Variants in GRID2 observed in about 807,000 individuals in gnomAD.
GRID2 encodes glutamate ionotropic receptor delta type subunit 2, also known as glutamate receptor ionotropic, delta-2.
Under a neutral mutation model 114.8 loss-of-function variants are expected in GRID2, and 33 were observed. The observed-to-expected ratio is 0.29, with a 90% CI of 0.22 to 0.38. GRID2 has a LOEUF of 0.38. Ranked by LOEUF, GRID2 falls within the 10% of genes least tolerant of loss-of-function variation. The pLI, the probability that GRID2 is intolerant of heterozygous loss-of-function variation, is 1.00. For synonymous variants in GRID2, 505 were observed against 449.9 expected, an observed-to-expected ratio of 1.12 and a Z score of -1.55; for missense variants, 1,184 against 1,257.7, an observed-to-expected ratio of 0.94 and a Z score of 0.89.
At chr4:92,505,776 T>C (rs1366326046) in intron 1 of GRID2, among the ~76,000 whole-genome samples, 3 of 152,050 alleles carry the variant, frequency 2.0e-5, no homozygotes, top group Non-Finnish European at 4.4e-5. Context: ...ATATATCTTT[T>C]AGTGCAATGT....
chr4:93,562,562 A>AT (rs1735029973), intron 13 of GRID2, among the ~76,000 whole-genome samples: 1 of 152,024 alleles, frequency 6.6e-6, no homozygotes, highest in African/African-American at 2.4e-5. Flanking sequence ...CAGTTTATCA[A>AT]TTTTTTGGAT....
intron 3 of GRID2, among the ~76,000 whole-genome samples, 197 bp downstream of exon 3, chr4:93,085,476 A>C (rs920907093): frequency 6.6e-5 from 10 of 152,298 alleles, no homozygotes; most frequent in Admixed American, 2.0e-4. Context: ...TATAAAGTCA[A>C]CTTTAAATAT....
chr4:92,835,830 C>T (rs1204885612), intron 2 of GRID2, among the ~76,000 whole-genome samples: 2 of 152,112 alleles, frequency 1.3e-5, no homozygotes, highest in Non-Finnish European at 2.9e-5. Context: ...TTCGTATTGT[C>T]TTTCACTTTG....
intron 2 of GRID2, among the ~76,000 whole-genome samples, chr4:92,671,072 A>G (rs920170574): frequency 6.6e-6 from 1 of 152,136 alleles, no homozygotes; most frequent in Non-Finnish European, 1.5e-5. Flanking sequence ...ATTTATGAAG[A>G]AAAGAGATTT....
chr4:93,545,200 T>C (rs1578229013), intron 13 of GRID2, among the ~76,000 whole-genome samples: 1 of 152,196 alleles, frequency 6.6e-6, no homozygotes, highest in East Asian at 1.9e-4. Flanking sequence ...AACAAAGAAC[T>C]AGAAAAAATG....
chr4:93,646,570 TA>T (rs1341274389), intron 14 of GRID2, among the ~76,000 whole-genome samples: 1 of 152,154 alleles, frequency 6.6e-6, no homozygotes, highest in Non-Finnish European at 1.5e-5. Context: ...TGGAAATTTT[TA>T]AAGAAGCATT....
chr4:92,609,521 G>T (rs1729620652), intron 2 of GRID2, among the ~76,000 whole-genome samples: 1 of 151,390 alleles, frequency 6.6e-6, no homozygotes, highest in South Asian at 2.1e-4. Context: ...ATCGCTTTTT[G>T]AGAAGATGAC....
intron 1 of GRID2, among the ~76,000 whole-genome samples, chr4:92,503,264 T>C (rs1053111703): frequency 2.0e-5 from 3 of 152,120 alleles, no homozygotes. Flanking sequence ...TCAGAGATTG[T>C]AATATTAAAT....
intron 4 of GRID2, among the ~76,000 whole-genome samples, chr4:93,128,694 C>T (rs1018449184): frequency 8.6e-6 from 1 of 116,896 alleles, no homozygotes; most frequent in South Asian, 2.6e-4. Context: ...GTACAGAAAG[C>T]GGCATGAGCC....
intron 1 of GRID2, among the ~76,000 whole-genome samples, chr4:92,475,970 A>G (rs541392505): frequency 6.7e-6 from 1 of 149,622 alleles, no homozygotes; most frequent in East Asian, 2.0e-4. Flanking sequence ...TCTTCTTTGG[A>G]TAGTTTGTTG....
intron 2 of GRID2, among the ~76,000 whole-genome samples, chr4:92,704,047 C>T (rs1211640529): frequency 6.6e-6 from 1 of 151,896 alleles, no homozygotes; most frequent in Non-Finnish European, 1.5e-5. Flanking sequence ...GAGGCCAAGG[C>T]GGATAGATCA....
chr4:92,360,867 A>T (rs1728584374), intron 1 of GRID2, among the ~76,000 whole-genome samples: 1 of 151,956 alleles, frequency 6.6e-6, no homozygotes, highest in Non-Finnish European at 1.5e-5. Context: ...CCCCTTTTAT[A>T]TCAACTGTAA....
intron 8 of GRID2, among the ~76,000 whole-genome samples, chr4:93,320,238 C>T (rs1391773719): frequency 6.6e-6 from 1 of 151,738 alleles, no homozygotes; most frequent in Non-Finnish European, 1.5e-5. Context: ...ATCATGTCAG[C>T]GATGATTATT....
chr4:93,278,255 T>A (rs2149580964), intron 8 of GRID2, among the ~76,000 whole-genome samples: 1 of 119,218 alleles, frequency 8.4e-6, no homozygotes, highest in South Asian at 2.7e-4. Context: ...TTTGAAGAAA[T>A]AATTTTGACT....
chr4:93,768,103 C>T (rs146038504), intron 14 of GRID2, among the ~76,000 whole-genome samples: 4 of 152,262 alleles, frequency 2.6e-5, no homozygotes, highest in Admixed American at 6.5e-5. Context: ...TACACCCGAG[C>T]TCACTCATCT....
At chr4:93,088,098 C>T (rs1164401376) in intron 3 of GRID2, among the ~76,000 whole-genome samples, 2 of 152,058 alleles carry the variant, frequency 1.3e-5, no homozygotes. Flanking sequence ...AAGATTTAGA[C>T]TTCTATATCA....
chr4:93,601,243 G>A (rs894720359), intron 13 of GRID2, among the ~76,000 whole-genome samples: 1 of 152,050 alleles, frequency 6.6e-6, no homozygotes, highest in Non-Finnish European at 1.5e-5. Flanking sequence ...ATGGACAGTT[G>A]GACTGGATTA....
intron 1 of GRID2, among the ~76,000 whole-genome samples, chr4:92,316,864 T>C (rs1160551050): frequency 6.6e-6 from 1 of 152,224 alleles, no homozygotes. Context: ...CTCAGCTTTC[T>C]GATGGTTCAC....
chr4:92,760,446 A>G (rs1737950631), intron 2 of GRID2, among the ~76,000 whole-genome samples: 2 of 152,110 alleles, frequency 1.3e-5, no homozygotes, highest in Non-Finnish European at 2.9e-5. Flanking sequence ...AGCAGGTCAC[A>G]GCCAGTGCTT....
Sources: allele counts gnomAD v4.1 joint callset (sites outside exome capture counted in the v4.1 genomes callset), GRCh38; gene constraint gnomAD v4.1.1; transcripts MANE v1.5; gene names NCBI Gene and HGNC (gene_info 2026-07-23, HGNC 2026-07-21).